Variants in CUL4B observed in about 807,000 individuals in gnomAD.
CUL4B encodes cullin 4B.
In CUL4B, 1 loss-of-function variant was observed where a neutral mutation model predicts 69.2. The ratio of observed to expected loss-of-function variants is 0.01; its 90% CI spans 0.01 to 0.07. The LOEUF (loss-of-function observed/expected upper bound fraction) is 0.07, where lower values mean the gene tolerates loss of function less well. Ranked by LOEUF, CUL4B falls within the 10% of genes least tolerant of loss-of-function variation. The pLI is 1.00. For synonymous variants in CUL4B, 237 were observed against 223.2 expected, an observed-to-expected ratio of 1.06 and a Z score of -0.55; for missense variants, 328 against 638.8, an observed-to-expected ratio of 0.51 and a Z score of 5.24.
intron 19 of CUL4B, among the ~76,000 whole-genome samples, chrX:120,528,280 G>A (rs1287742351): frequency 5.5e-5 from 6 of 109,481 alleles, no homozygotes; most frequent in Non-Finnish European, 1.1e-4. Flanking sequence ...GGTGGTGGGC[G>A]CCTGTAGTCT....
intron 2 of CUL4B, among the ~76,000 whole-genome samples, chrX:120,557,674 C>T (rs1214418503): frequency 9.0e-6 from 1 of 111,656 alleles, no homozygotes; most frequent in East Asian, 2.8e-4. Context: ...ACTTCTATTA[C>T]ACCAAGGTAC....
chrX:120,539,635 T>C (rs748497791), intron 11 of CUL4B, among the ~76,000 whole-genome samples: 10 of 111,808 alleles, frequency 8.9e-5, no homozygotes, highest in South Asian at 3.7e-4. Flanking sequence ...TTTATGAAAA[T>C]AGGATACGGA....
intron 2 of CUL4B, among the ~76,000 whole-genome samples, chrX:120,547,902 G>A (rs1482832486): frequency 1.8e-5 from 2 of 110,380 alleles, no homozygotes; most frequent in Non-Finnish European, 3.8e-5. Flanking sequence ...TCCTGCCCTC[G>A]AACATCAGAC....
At chrX:120,560,980 C>A, upstream of CUL4B, 1 of 753,516 alleles carries the variant, frequency 1.3e-6, no homozygotes, top group South Asian at 6.8e-5. Flanking sequence ...TGCAGCTCCT[C>A]CTCCTTTTCT....
chrX:120,541,765 A>G, intron 9 of CUL4B, 45 bp from the exon 10 acceptor site: 3 of 790,069 alleles, frequency 3.8e-6, no homozygotes, highest in Non-Finnish European at 5.9e-6. Flanking sequence ...TGAACAAAAA[A>G]GTGAACAAGA....
intron 1 of CUL4B, chrX:120,559,774 C>T: frequency 2.8e-6 from 3 of 1,066,427 alleles, no homozygotes; most frequent in Non-Finnish European, 3.7e-6. Flanking sequence ...ATACAAATTT[C>T]TCACCTGCAA....
chrX:120,538,282 C>T (rs1434796993), intron 13 of CUL4B, 73 bp from the exon 14 acceptor site: 11 of 671,837 alleles, frequency 1.6e-5, no homozygotes, highest in East Asian at 3.3e-5. Flanking sequence ...GTGGGAAACA[C>T]GAAATACAAA....
At chrX:120,530,617 A>G (rs1439284183) in intron 18 of CUL4B, among the ~76,000 whole-genome samples, 1 of 112,254 alleles carries the variant, frequency 8.9e-6, no homozygotes, top group Non-Finnish European at 1.9e-5. Context: ...TGTTAACCAG[A>G]TTTCTCTATG....
intron 2 of CUL4B, among the ~76,000 whole-genome samples, chrX:120,553,631 T>C (rs1039022405): frequency 1.8e-5 from 2 of 111,315 alleles, no homozygotes; most frequent in African/African-American, 6.5e-5. Context: ...AGGCCAGACA[T>C]GGTGGTTCAT....
chrX:120,548,827 C>G (rs938908209), intron 2 of CUL4B, among the ~76,000 whole-genome samples: 1 of 111,097 alleles, frequency 9.0e-6, no homozygotes, highest in African/African-American at 3.3e-5. Flanking sequence ...GAGAGAGACT[C>G]CATCTCAAAA....
At chrX:120,559,830 G>C in intron 1 of CUL4B, 1 of 1,126,080 alleles carries the variant, frequency 8.9e-7, no homozygotes, top group Non-Finnish European at 1.2e-6. Flanking sequence ...AGGAATAACA[G>C]ATTAAATACA....
chrX:120,558,566 G>A (rs1003862156), intron 1 of CUL4B, among the ~76,000 whole-genome samples: 1 of 111,837 alleles, frequency 8.9e-6, no homozygotes, highest in Non-Finnish European at 1.9e-5. Flanking sequence ...ATTCAGGTCT[G>A]TTTGACCCCC....
intron 2 of CUL4B, among the ~76,000 whole-genome samples, chrX:120,556,089 T>G (rs1192195944): frequency 1.8e-5 from 2 of 110,717 alleles, no homozygotes; most frequent in Non-Finnish European, 3.8e-5. Context: ...TTGGACCACA[T>G]GCTCTCTTAA....
intron 1 of CUL4B, among the ~76,000 whole-genome samples, chrX:120,574,936 C>A (rs1321670851): frequency 8.9e-6 from 1 of 112,142 alleles, no homozygotes; most frequent in Non-Finnish European, 1.9e-5. Context: ...ATGGCTTGAA[C>A]TCCTACGGGC....
chrX:120,550,825 G>A (rs762513660), intron 2 of CUL4B, among the ~76,000 whole-genome samples: 3 of 111,699 alleles, frequency 2.7e-5, no homozygotes, highest in East Asian at 5.6e-4. Flanking sequence ...GAGCAATCTC[G>A]TAATAGGTAT....
intron 2 of CUL4B, among the ~76,000 whole-genome samples, 185 bp from the exon 3 acceptor site, chrX:120,547,424 C>T (rs896020773): frequency 8.9e-6 from 1 of 112,103 alleles, no homozygotes; most frequent in African/African-American, 3.2e-5. Context: ...ATAACCAATG[C>T]ACTGTATCAA....
chrX:120,558,561 G>T (rs1396971208), intron 1 of CUL4B, among the ~76,000 whole-genome samples: 1 of 111,753 alleles, frequency 8.9e-6, no homozygotes, highest in Non-Finnish European at 1.9e-5. Flanking sequence ...TTCTAATTCA[G>T]GTCTGTTTGA....
chrX:120,530,362 G>T, intron 18 of CUL4B, 108 bp from the exon 19 acceptor site: 1 of 733,555 alleles, frequency 1.4e-6, no homozygotes, highest in Non-Finnish European at 2.1e-6. Context: ...TAAAGGTACT[G>T]AATTATCTAA....
chrX:120,535,662 C>T (rs1336025190), intron 16 of CUL4B, among the ~76,000 whole-genome samples, 168 bp downstream of exon 16: 5 of 90,423 alleles, frequency 5.5e-5, no homozygotes, highest in African/African-American at 1.7e-4. Flanking sequence ...GCCAAGATAG[C>T]GCCACTGCAC....
Sources: gnomAD v4.1 joint callset for allele counts (sites outside exome capture counted in the v4.1 genomes callset) on GRCh38, gnomAD v4.1.1 for gene constraint, MANE v1.5 for transcripts, NCBI Gene and HGNC (gene_info 2026-07-23, HGNC 2026-07-21) for gene names.